PACRG: variants seen among roughly 807,000 people sequenced by gnomAD.
The protein encoded by PACRG is parkin coregulated, also known as parkin coregulated gene protein.
PACRG carries 29 observed loss-of-function variants against 29.7 expected under a neutral mutation model. The ratio of observed to expected loss-of-function variants is 0.98; its 90% CI spans 0.73 to 1.33. The LOEUF (loss-of-function observed/expected upper bound fraction) is 1.33. PACRG is among the 40% of genes most tolerant of loss of function. The pLI is 0.00. For synonymous variants in PACRG, 116 were observed against 118.7 expected (o/e 0.98, Z 0.15); for missense variants, 279 against 316.2 (o/e 0.88, Z 0.89).
At chr6:163,034,593 C>T (rs1419671949) in intron 2 of PACRG, among the ~76,000 whole-genome samples, 1 of 152,166 alleles carries the variant, frequency 6.6e-6, no homozygotes, top group East Asian at 1.9e-4. Flanking sequence ...CCATTCTTTA[C>T]CTGGCTATAT....
chr6:163,151,163 C>A (rs1179428004), intron 4 of PACRG, among the ~76,000 whole-genome samples: 1 of 152,142 alleles, frequency 6.6e-6, no homozygotes, highest in Non-Finnish European at 1.5e-5. Flanking sequence ...TATACAGAAT[C>A]TTTATTTTAA....
chr6:163,290,061 C>T (rs1021864362), intron 4 of PACRG, among the ~76,000 whole-genome samples: 1 of 151,970 alleles, frequency 6.6e-6, no homozygotes, highest in Non-Finnish European at 1.5e-5. Context: ...ATAATGACCA[C>T]GTTAGTCAGT....
Position 163,062,245 on chromosome 6 carries a change from AGGAATCCACGACATGCTGGAACAC to A in PACRG, c.390_413del (p.Ile131_Gly138del). On this transcript the variant is annotated inframe_deletion, in exon 3 of 5. Coordinates refer to ENST00000366888, the MANE Select transcript of PACRG (RefSeq NM_001080379.2). Reference sequence around the variant, plus strand: ...TTCCCTATGAGTTTTTTGCTCGGCAAGGAATCCACGACATGCTGGAACACGGTGGGAACAAGATCCTACCTGTCC... The same window carrying A: ...TTCCCTATGAGTTTTTTGCTCGGCAAGGTGGGAACAAGATCCTACCTGTCC... 1.2e-6 allele frequency: 2 copies of A among 1,614,176 alleles called. No individual in the cohort carries two copies. The highest frequency in any genetic ancestry group is 1.7e-6 in the Non-Finnish European group (2 of 1,180,024).
At chr6:163,236,331 A>G (rs954701967) in intron 4 of PACRG, among the ~76,000 whole-genome samples, 30 of 152,102 alleles carry the variant, frequency 2.0e-4, no homozygotes, top group African/African-American at 7.2e-4. Context: ...TCTTTCATTT[A>G]TTGGTAATTG....
chr6:162,859,871 T>C (rs1441954663), intron 2 of PACRG, among the ~76,000 whole-genome samples: 5 of 152,212 alleles, frequency 3.3e-5, no homozygotes, highest in Admixed American at 6.5e-5. Flanking sequence ...AGAAGGCACC[T>C]TCCTGTGTCA....
chr6:163,159,419 G>A (rs955978433), intron 4 of PACRG, among the ~76,000 whole-genome samples: 1 of 151,448 alleles, frequency 6.6e-6, no homozygotes, highest in African/African-American at 2.4e-5. Context: ...GTAAATTCAT[G>A]TGCTGTAAAG....
At chr6:163,004,701 A>AGTGTGT (rs374627693) in intron 2 of PACRG, among the ~76,000 whole-genome samples, 30,321 of 131,220 alleles carry the variant, frequency 0.23, 3,640 homozygotes, top group East Asian at 0.35. Context: ...ACAAAGTTCT[A>AGTGTGT]GTGTGTGTGT....
At chr6:163,079,641 C>T (rs1008091596) in intron 3 of PACRG, among the ~76,000 whole-genome samples, 1 of 152,100 alleles carries the variant, frequency 6.6e-6, no homozygotes, top group Non-Finnish European at 1.5e-5. Context: ...TCCCGAATCA[C>T]CTGCTTAAAT....
chr6:162,946,247 G>A (rs1231164736), intron 2 of PACRG, among the ~76,000 whole-genome samples: 1 of 151,428 alleles, frequency 6.6e-6, no homozygotes, highest in Non-Finnish European at 1.5e-5. Flanking sequence ...ACTAGCTAGA[G>A]TAACCAAGGA....
At chr6:162,733,020 G>C (rs111525004) in intron 1 of PACRG, among the ~76,000 whole-genome samples, 1 of 151,982 alleles carries the variant, frequency 6.6e-6, no homozygotes, top group African/African-American at 2.4e-5. Context: ...CCCTTTGCTC[G>C]AACACCCTTC....
chr6:163,231,604 A>G (rs1432308856), intron 4 of PACRG, among the ~76,000 whole-genome samples: 3 of 152,150 alleles, frequency 2.0e-5, no homozygotes, highest in Admixed American at 6.5e-5. Flanking sequence ...CCTCAGCAAA[A>G]GGTGACTTCA....
chr6:162,770,398 A>G (rs1460200811), intron 1 of PACRG, among the ~76,000 whole-genome samples: 5 of 152,162 alleles, frequency 3.3e-5, no homozygotes, highest in Non-Finnish European at 7.4e-5. Flanking sequence ...AAGTTATATC[A>G]GCTCCATTTT....
chr6:163,308,736 G>T (rs1315989288), intron 4 of PACRG, among the ~76,000 whole-genome samples: 1 of 151,728 alleles, frequency 6.6e-6, no homozygotes, highest in African/African-American at 2.4e-5. Flanking sequence ...GTGTCGTCAA[G>T]AAACATGATA....
intron 2 of PACRG, among the ~76,000 whole-genome samples, chr6:162,988,125 G>T (rs892780086): frequency 6.6e-6 from 1 of 152,156 alleles, no homozygotes; most frequent in Non-Finnish European, 1.5e-5. Flanking sequence ...GGTGGTTCTT[G>T]GAGCAAAAGT....
intron 4 of PACRG, among the ~76,000 whole-genome samples, chr6:163,286,178 T>A (rs1382841329): frequency 1.3e-5 from 2 of 152,184 alleles, no homozygotes; most frequent in Non-Finnish European, 2.9e-5. Flanking sequence ...TATTCAGTGG[T>A]TTATAAAATC....
At chr6:162,957,039 T>A (rs1466339751) in intron 2 of PACRG, among the ~76,000 whole-genome samples, 4 of 144,694 alleles carry the variant, frequency 2.8e-5, no homozygotes, top group African/African-American at 5.0e-5. Context: ...GTAAAGCGTT[T>A]AAAAAAAAAA....
intron 4 of PACRG, among the ~76,000 whole-genome samples, chr6:163,099,602 A>T (rs1814899721): frequency 6.6e-6 from 1 of 152,154 alleles, no homozygotes; most frequent in Non-Finnish European, 1.5e-5. Flanking sequence ...GTTCATTCTG[A>T]TTTTCCTTTA....
intron 1 of PACRG, among the ~76,000 whole-genome samples, chr6:162,787,931 A>G (rs1246971522): frequency 6.6e-6 from 1 of 151,952 alleles, no homozygotes; most frequent in Non-Finnish European, 1.5e-5. Context: ...TCAGGTTCAC[A>G]GCAAAATTGG....
At chr6:163,142,420 CA>C (rs1386166992) in intron 4 of PACRG, among the ~76,000 whole-genome samples, 35 of 151,522 alleles carry the variant, frequency 2.3e-4, no homozygotes, top group Non-Finnish European at 4.6e-4. Flanking sequence ...TATAAATTAC[CA>C]AAAAATAGAA....
Sources: allele counts gnomAD v4.1 joint callset (sites outside exome capture counted in the v4.1 genomes callset), GRCh38; gene constraint gnomAD v4.1.1; transcripts MANE v1.5; gene names NCBI Gene and HGNC (gene_info 2026-07-23, HGNC 2026-07-21).